The following PREX1 variants were observed in gnomAD, a reference collection of about 807,000 sequenced individuals.
The protein encoded by PREX1 is phosphatidylinositol-3,4,5-trisphosphate dependent Rac exchange factor 1.
A neutral mutation model predicts 198.3 loss-of-function variants in PREX1; 41 were observed. That is an observed-to-expected ratio of 0.21 (90% CI 0.16 to 0.27). The LOEUF is 0.27. Among genes scored for constraint, PREX1 ranks in the 10% least tolerant of loss-of-function variants. The pLI, the probability that PREX1 is intolerant of heterozygous loss-of-function variation, is 1.00. For synonymous variants in PREX1, 843 were observed against 887.2 expected, an observed-to-expected ratio of 0.95 and a Z score of 0.89; for missense variants, 1,620 against 2,200.7, an observed-to-expected ratio of 0.74 and a Z score of 5.28.
chr20:48,728,529 CT>C (rs1168636090), intron 4 of PREX1, among the ~76,000 whole-genome samples: 2 of 152,360 alleles, frequency 1.3e-5, no homozygotes, highest in Middle Eastern at 3.4e-3. Flanking sequence ...GTGTTTACCC[CT>C]GGCACAGATG....
chr20:48,874,372 C>CGTGTGTGT, the PREX1 span, among the ~76,000 whole-genome samples: 57 of 127,990 alleles, frequency 4.5e-4, 1 homozygote, highest in Non-Finnish European at 6.5e-4. Context: ...GAGGGGTGTC[C>CGTGTGTGT]GTGTGTGTGT....
chr20:48,839,584 A>C, the PREX1 span, among the ~76,000 whole-genome samples: 1 of 152,210 alleles, frequency 6.6e-6, no homozygotes, highest in Non-Finnish European at 1.5e-5. Context: ...ATACAACTCC[A>C]TGCTCAGTGT....
chr20:48,785,049 G>A (rs1178198257), intron 1 of PREX1, among the ~76,000 whole-genome samples: 1 of 152,004 alleles, frequency 6.6e-6, no homozygotes, highest in Non-Finnish European at 1.5e-5. Context: ...AAGTAGCTGG[G>A]ATTACAGGCA....
intron 1 of PREX1, among the ~76,000 whole-genome samples, chr20:48,816,602 T>C (rs561013299): frequency 6.6e-6 from 1 of 152,124 alleles, no homozygotes; most frequent in Non-Finnish European, 1.5e-5. Context: ...CTGCTGGCCG[T>C]GATGTGGCTA....
At chr20:48,779,487 C>A (rs1300493982) in intron 1 of PREX1, among the ~76,000 whole-genome samples, 2 of 152,204 alleles carry the variant, frequency 1.3e-5, no homozygotes, top group African/African-American at 4.8e-5. Flanking sequence ...TATGGCCCAA[C>A]AACCCTGCTC....
intron 5 of PREX1, 148 bp downstream of exon 5, chr20:48,726,140 CGA>C: frequency 1.6e-6 from 1 of 638,280 alleles, no homozygotes; most frequent in South Asian, 1.9e-5. Context: ...GCAGGGTGAA[CGA>C]GAGAGAAAGA....
intron 10 of PREX1, among the ~76,000 whole-genome samples, chr20:48,683,035 G>C (rs1231881360): frequency 6.6e-6 from 1 of 152,242 alleles, no homozygotes; most frequent in Non-Finnish European, 1.5e-5. Flanking sequence ...CAGAAGAAAT[G>C]CATCTGCTTT....
At chr20:48,667,985 G>C (rs926204729) in intron 14 of PREX1, among the ~76,000 whole-genome samples, 1 of 152,168 alleles carries the variant, frequency 6.6e-6, no homozygotes, top group South Asian at 2.1e-4. Context: ...ATTTCCCGGT[G>C]CCAGTTCTTC....
intron 1 of PREX1, among the ~76,000 whole-genome samples, chr20:48,821,311 T>C (rs1223180151): frequency 6.6e-6 from 1 of 152,132 alleles, no homozygotes; most frequent in Non-Finnish European, 1.5e-5. Context: ...TCTAACAAAC[T>C]GAGTGGCTAC....
chr20:48,832,787 T>C (rs998880841), upstream of PREX1, among the ~76,000 whole-genome samples: 5 of 152,214 alleles, frequency 3.3e-5, no homozygotes, highest in African/African-American at 1.2e-4. Flanking sequence ...GGGCTCTGGT[T>C]CAAGGTCTGA....
the PREX1 span, among the ~76,000 whole-genome samples, chr20:48,852,042 G>A: frequency 2.0e-5 from 3 of 152,046 alleles, no homozygotes; most frequent in African/African-American, 7.2e-5. Context: ...TGCTGGGTCT[G>A]CACCTATTTT....
the PREX1 span, among the ~76,000 whole-genome samples, chr20:48,835,031 A>C: frequency 1.3e-5 from 2 of 152,220 alleles, no homozygotes; most frequent in African/African-American, 4.8e-5. Context: ...CTGGGATTAC[A>C]GGTGTGAGCC....
chr20:48,638,976 G>A (rs529265121), intron 30 of PREX1, among the ~76,000 whole-genome samples: 8 of 152,220 alleles, frequency 5.3e-5, no homozygotes, highest in East Asian at 3.8e-4. Flanking sequence ...CAGAGACTCC[G>A]ACTCAGAGGC....
chr20:48,818,592 C>G (rs1368096747), intron 1 of PREX1, among the ~76,000 whole-genome samples: 1 of 152,200 alleles, frequency 6.6e-6, no homozygotes, highest in Non-Finnish European at 1.5e-5. Flanking sequence ...TCCTCAGGTA[C>G]GCCACTTCCC....
chr20:48,702,206 TA>T (rs71184231), intron 6 of PREX1, among the ~76,000 whole-genome samples: 1,574 of 122,770 alleles, frequency 0.013, 21 homozygotes, highest in African/African-American at 0.042. Context: ...GGACTCTGTC[TA>T]AAAAAAAAAA....
chr20:48,631,731 C>T (rs1004800580), intron 35 of PREX1, among the ~76,000 whole-genome samples: 3 of 152,094 alleles, frequency 2.0e-5, no homozygotes, highest in Non-Finnish European at 4.4e-5. Context: ...GTGAGACACA[C>T]GCAGGAAGGG....
intron 39 of PREX1, among the ~76,000 whole-genome samples, chr20:48,626,989 C>G (rs2089277832): frequency 6.6e-6 from 1 of 152,018 alleles, no homozygotes; most frequent in African/African-American, 2.4e-5. Flanking sequence ...GGTGGGAGGA[C>G]AGGAGGAAAC....
chr20:48,650,026 G>T lies in PREX1; in HGVS notation c.2998C>A (p.Pro1000Thr), dbSNP rs1248647453. ...RSFSIRFGRK[P>T]SLIGLDPEQG... ...TCCGGGTCAAGGCCGATGAGGGAGG[G>T]TTTGCGTCCAAAGCGGATGCTGAAG... The change falls in exon 24 of 40, where the codon CCC (proline) becomes ACC (threonine). Residue 1000 changes from proline (P) to threonine (T), a missense_variant. Around this residue, in one of 7 missense-constraint regions of PREX1, gnomAD observed 514 missense variants for 611.6 expected, o/e 0.84. Transcript: ENST00000371941. 4 of 1,614,214 alleles carry T rather than the reference G, an allele frequency of 2.5e-6. No individual in the cohort carries two copies. The highest frequency in any genetic ancestry group is 3.3e-5 in the Admixed American group (2 of 60,028).
chr20:48,722,705 C>T (rs748215917), intron 5 of PREX1, among the ~76,000 whole-genome samples: 3 of 152,190 alleles, frequency 2.0e-5, no homozygotes, highest in Admixed American at 6.5e-5. Flanking sequence ...CAAGATCAAG[C>T]GGCCAGAGAG....
Sources: allele counts gnomAD v4.1 joint callset (sites outside exome capture counted in the v4.1 genomes callset), GRCh38; gene constraint gnomAD v4.1.1; regional missense constraint gnomAD v4.1.1; transcripts MANE v1.5; gene names NCBI Gene and HGNC (gene_info 2026-07-23, HGNC 2026-07-21).